NNT: variants seen among roughly 807,000 people sequenced by gnomAD.
NNT encodes nicotinamide nucleotide transhydrogenase.
In NNT, 50 loss-of-function variants were observed where a neutral mutation model predicts 104.8. That is an observed-to-expected ratio of 0.48 (90% CI 0.38 to 0.60). The LOEUF (loss-of-function observed/expected upper bound fraction) is 0.60. Among genes scored for constraint, NNT ranks in the 20% least tolerant of loss-of-function variants. The pLI is 0.00. For missense variants in NNT, 1,131 were observed against 1,330.7 expected, an observed-to-expected ratio of 0.85 and a Z score of 2.33; for synonymous variants, 461 against 490.4, an observed-to-expected ratio of 0.94 and a Z score of 0.79.
intron 10 of NNT, 92 bp from the exon 11 acceptor site, chr5:43,649,055 A>T: frequency 1.4e-6 from 2 of 1,394,638 alleles, no homozygotes; most frequent in Non-Finnish European, 2.0e-6. Context: ...ATTTAAAAGC[A>T]TTGGCTATTC....
intron 20 of NNT, among the ~76,000 whole-genome samples, chr5:43,700,890 T>C (rs546322890): frequency 2.6e-4 from 40 of 152,326 alleles, no homozygotes; most frequent in Non-Finnish European, 4.9e-4. Context: ...ATTGTGTGTA[T>C]GTCTAGATTC....
chr5:43,666,924 C>T, intron 17 of NNT: 3 of 1,581,668 alleles, frequency 1.9e-6, no homozygotes, highest in Admixed American at 3.3e-5. Context: ...GCTTCCCAAG[C>T]TTGGGGTGGG....
chr5:43,626,635 A>G (rs1022876019), intron 6 of NNT, among the ~76,000 whole-genome samples: 5 of 151,978 alleles, frequency 3.3e-5, no homozygotes, highest in Admixed American at 3.3e-4. Context: ...TCATTATTGA[A>G]AAATAGAGAG....
In NNT at chr5:43,653,166, A is replaced by G; in HGVS notation, c.2012A>G (p.Glu671Gly). 1.9e-6 allele frequency: 3 copies of G among 1,614,150 alleles called. No individual in the cohort carries two copies. Among genetic ancestry groups the G allele is most frequent in the African/African-American group, 1.3e-5 (1 of 75,028 alleles). ...CTCGGAGTCCTAAAACCGGGCCCAG[A>G]ATTACTAGCTCAGATGTCTGGAGCG... ...ATLGVLKPGPELLAQMSGAMA... is the reference protein window; with the variant it reads ...ATLGVLKPGPGLLAQMSGAMA... Residue 671 changes from glutamate (E) to glycine (G), a missense_variant, in exon 14 of 22, where the codon GAA becomes GGA. Coordinates refer to ENST00000344920, the MANE Select transcript of NNT (RefSeq NM_182977.3).
chr5:43,629,976 A>C (rs1382489852), intron 7 of NNT, among the ~76,000 whole-genome samples: 2 of 152,116 alleles, frequency 1.3e-5, no homozygotes, highest in East Asian at 1.9e-4. Context: ...TTTTAGTTTA[A>C]CTAAGTGCCA....
At chr5:43,644,503 A>G in intron 8 of NNT, 108 bp from the exon 9 acceptor site, 1 of 1,148,512 alleles carries the variant, frequency 8.7e-7, no homozygotes, top group Non-Finnish European at 1.2e-6. Context: ...GTATATTCAT[A>G]AAGATATATA....
At chr5:43,616,111 C>T (rs773870723) in intron 4 of NNT, 46 bp downstream of exon 4, 2 of 1,443,392 alleles carry the variant, frequency 1.4e-6, no homozygotes, top group Non-Finnish European at 1.9e-6. Context: ...AATAGTGCTA[C>T]AGAAACCTTC....
chr5:43,651,826 C>T lies in NNT; in HGVS notation c.1805C>T (p.Ala602Val). 6.2e-7 allele frequency: 1 copy of T among 1,614,102 alleles called. No homozygotes were observed. Among genetic ancestry groups the T allele is most frequent in the Non-Finnish European group, 8.5e-7 (1 of 1,179,998 alleles). ...PEYNYLYLLPAGTFVGGYLAA... is the reference protein window; with the variant it reads ...PEYNYLYLLPVGTFVGGYLAA... ...TACAACTACCTGTACCTGCTCCCTG[C>T]CGGCACCTTTGTTGGTGGATATTTA... Residue 602 changes from alanine to valine, a missense_variant, in exon 13 of 22, where the codon GCC (alanine) becomes GTC (valine). By Grantham distance (64) the Ala-to-Val change is moderately conservative. Transcript: ENST00000344920.
chr5:43,624,924 A>G (rs1750285869), intron 6 of NNT, among the ~76,000 whole-genome samples: 1 of 152,214 alleles, frequency 6.6e-6, no homozygotes, highest in Admixed American at 6.5e-5. Flanking sequence ...CAACCATTCA[A>G]AGTTGGAAGA....
intron 7 of NNT, among the ~76,000 whole-genome samples, chr5:43,631,906 A>G (rs1422678412): frequency 6.6e-6 from 1 of 151,140 alleles, no homozygotes; most frequent in African/African-American, 2.4e-5. Flanking sequence ...GTCCTTGATC[A>G]GTACCTCAGC....
intron 17 of NNT, among the ~76,000 whole-genome samples, chr5:43,668,936 T>G (rs574474274): frequency 1.0e-3 from 158 of 152,352 alleles, no homozygotes; most frequent in Non-Finnish European, 1.9e-3. Flanking sequence ...TCCATTTGTT[T>G]GTGTCCTCTT....
Position 43,705,142 on chromosome 5 carries a change from A to G in NNT, c.*738A>G, listed in dbSNP as rs1424805920. ...CCATTTCTAATTGGAGATCTCTTTA[A>G]TTTCGATCAACTTATAATGTGTAGT... On this transcript the variant is annotated 3_prime_UTR_variant, in exon 22 of 22. Transcript: ENST00000344920. 6.6e-6 allele frequency: 1 copy of G among 152,116 alleles called. No individual in the cohort carries two copies. Among genetic ancestry groups the G allele is most frequent in the African/African-American group, 2.4e-5 (1 of 41,426 alleles). The allele number at this position is 152,116 out of a possible 1,614,324, so 9.4% of individuals were successfully genotyped here. A position where few individuals can be genotyped will look rare whatever the true frequency, so the allele number is the denominator to read the frequency against.
chr5:43,688,137 A>T (rs1241447584), intron 19 of NNT, among the ~76,000 whole-genome samples: 1 of 152,126 alleles, frequency 6.6e-6, no homozygotes, highest in Non-Finnish European at 1.5e-5. Flanking sequence ...GAACCTAATG[A>T]CTATTTTACC....
chr5:43,689,954 C>A (rs867927907), intron 19 of NNT, among the ~76,000 whole-genome samples: 1 of 151,622 alleles, frequency 6.6e-6, no homozygotes, highest in African/African-American at 2.4e-5. Context: ...TAACCCAATC[C>A]GTCAAAGACA....
Position 43,645,406 on chromosome 5 carries a change from G to T in NNT, c.1340G>T (p.Gly447Val). ...PAPTPKNIPQGAPVKQKTVAE... is the reference protein window; with the variant it reads ...PAPTPKNIPQVAPVKQKTVAE... ...CCCACACCGAAAAATATTCCTCAAGGTGCCCCAGTAAAACAGAAGACAGTG... is the reference window on the plus strand; with the variant it reads ...CCCACACCGAAAAATATTCCTCAAGTTGCCCCAGTAAAACAGAAGACAGTG... Residue 447 changes from glycine to valine, a missense_variant, in exon 10 of 22, where the codon GGT (glycine) becomes GTT (valine). Gly to Val is a moderately radical substitution (Grantham distance 109, BLOSUM62 -3). Transcript: ENST00000344920. 6.4e-7 allele frequency: 1 copy of T among 1,567,572 alleles called. No homozygotes were observed. Among genetic ancestry groups the T allele is most frequent in the African/African-American group, 1.4e-5 (1 of 72,862 alleles).
At chr5:43,700,307 T>C in intron 20 of NNT, 70 bp downstream of exon 20, 1 of 1,099,440 alleles carries the variant, frequency 9.1e-7, no homozygotes, top group Non-Finnish European at 1.4e-6. Flanking sequence ...GTGTGGGATA[T>C]GAATTGTAGA....
intron 19 of NNT, among the ~76,000 whole-genome samples, chr5:43,690,595 A>G (rs556437721): frequency 5.7e-4 from 87 of 152,328 alleles, no homozygotes; most frequent in Non-Finnish European, 9.8e-4. Context: ...AGCTAGGGCA[A>G]CATCATGTAG....
In NNT at chr5:43,655,893, G is replaced by T; in HGVS notation, c.2113G>T (p.Ala705Ser). ...QISDLPQLVA[A>S]FHSLVGLAAV... ...TTCTGATTTACCTCAATTAGTTGCT[G>T]CTTTTCACAGTTTAGTGGGTTTGGC... The change falls in exon 15 of 22, where the codon GCT becomes TCT. Residue 705 changes from alanine (A) to serine (S), a missense_variant. Coordinates refer to ENST00000344920, the MANE Select transcript of NNT (RefSeq NM_182977.3). The T allele has an allele frequency of 6.2e-7, 1 of 1,614,214 alleles. No individual in the cohort carries two copies. Among genetic ancestry groups the T allele is most frequent in the East Asian group, 2.2e-5 (1 of 44,884 alleles).
intron 7 of NNT, among the ~76,000 whole-genome samples, chr5:43,631,155 C>G (rs965517317): frequency 6.6e-6 from 1 of 152,160 alleles, no homozygotes; most frequent in Non-Finnish European, 1.5e-5. Context: ...CTAGATGAAG[C>G]AGACAGGTAG....
Sources: gnomAD v4.1 joint callset for allele counts (sites outside exome capture counted in the v4.1 genomes callset) on GRCh38, gnomAD v4.1.1 for gene constraint, MANE v1.5 for transcripts, NCBI Gene and HGNC (gene_info 2026-07-23, HGNC 2026-07-21) for gene names.